The following NPAS3 variants were observed in gnomAD, a reference collection of about 807,000 sequenced individuals.
NPAS3 encodes the protein neuronal PAS domain protein 3, also known as neuronal PAS domain-containing protein 3.
Under a neutral mutation model 73.1 loss-of-function variants are expected in NPAS3, and 14 were observed. That is an observed-to-expected ratio of 0.19 (90% CI 0.13 to 0.30). The LOEUF is 0.30. Ranked by LOEUF, NPAS3 falls within the 10% of genes least tolerant of loss-of-function variation. The probability of loss-of-function intolerance (pLI) is 1.00; values close to 1 mark genes in which losing one functional copy is unlikely to be tolerated. For synonymous variants in NPAS3, 620 were observed against 541.5 expected, an observed-to-expected ratio of 1.14 and a Z score of -2.01; for missense variants, 1,096 against 1,250.0, an observed-to-expected ratio of 0.88 and a Z score of 1.86.
intron 5 of NPAS3, among the ~76,000 whole-genome samples, chr14:33,579,509 A>G (rs1271667859): frequency 6.6e-6 from 1 of 152,226 alleles, no homozygotes; most frequent in African/African-American, 2.4e-5. Flanking sequence ...GAAAGATGAT[A>G]AAGACTGATG....
At chr14:33,726,107 A>G (rs908501984) in intron 6 of NPAS3, among the ~76,000 whole-genome samples, 3 of 152,154 alleles carry the variant, frequency 2.0e-5, no homozygotes, top group Non-Finnish European at 2.9e-5. Context: ...TGGCCTCTCC[A>G]TCAGTAAACA....
At chr14:33,074,535 G>A (rs781521212) in intron 2 of NPAS3, among the ~76,000 whole-genome samples, 81 of 152,238 alleles carry the variant, frequency 5.3e-4, no homozygotes, top group Middle Eastern at 3.4e-3. Flanking sequence ...TCCTGCCTCA[G>A]CCTCTTGAGT....
At position 33,695,228 on chromosome 14, in the gene NPAS3, C is replaced by T. The variant is rs988315054; in HGVS notation, c.733+18843C>T. On this transcript the variant is annotated intron_variant, in intron 6 of 11. Coordinates refer to ENST00000356141, the Ensembl canonical transcript of NPAS3. The stretch of plus-strand genomic sequence containing the variant: ...TTTTTTAAAGTATTTTCTTTGAATA[C>T]AATTTATATGTAAAGCTGGTCCTAT... Among the ~76,000 whole-genome samples the T allele has an allele frequency of 2.6e-5, 4 of 152,120 alleles. 1 individual carries two copies. The highest frequency in any genetic ancestry group is 1.3e-4 in the Admixed American group (2 of 15,256).
At chr14:33,134,127 C>A (rs148359452) in intron 2 of NPAS3, among the ~76,000 whole-genome samples, 1 of 152,152 alleles carries the variant, frequency 6.6e-6, no homozygotes, top group East Asian at 1.9e-4. Context: ...TGGAATCTGA[C>A]AAGTGAATTT....
At chr14:33,065,481 G>A (rs1485011295) in intron 2 of NPAS3, among the ~76,000 whole-genome samples, 1 of 152,096 alleles carries the variant, frequency 6.6e-6, no homozygotes, top group Non-Finnish European at 1.5e-5. Context: ...GAGAGGGCTG[G>A]GTCCTTCGAG....
intron 3 of NPAS3, among the ~76,000 whole-genome samples, chr14:33,246,191 G>A (rs931873063): frequency 7.9e-5 from 12 of 152,128 alleles, no homozygotes; most frequent in African/African-American, 2.9e-4. Flanking sequence ...TCATGGTGCA[G>A]ACAGCATGAG....
rs1457592727 is a variant in NPAS3, at chr14:32,993,126, G to A, written c.50+53760G>A. 2.7e-5 allele frequency among the ~76,000 whole-genome samples: 4 copies of A among 149,144 alleles called. No individual in the cohort carries two copies. The South Asian group carries it at 8.5e-4, about 32-fold the overall frequency. ...GATTGTACCATTGCACTCCACCTGG[G>A]CAACAAGAGTGAAACTTCGTCTCAA... On this transcript the variant is annotated intron_variant, in intron 1 of 11. Coordinates refer to ENST00000356141, the Ensembl canonical transcript of NPAS3.
chr14:33,373,356 A>G (rs1320648116), intron 4 of NPAS3, among the ~76,000 whole-genome samples: 1 of 151,268 alleles, frequency 6.6e-6, no homozygotes, highest in African/African-American at 2.4e-5. Context: ...TTATGTTTGT[A>G]TTCATTGTCA....
At chr14:33,409,368 A>T (rs931340070) in intron 4 of NPAS3, among the ~76,000 whole-genome samples, 3 of 152,172 alleles carry the variant, frequency 2.0e-5, no homozygotes, top group Non-Finnish European at 4.4e-5. Flanking sequence ...ATCCCTTAAC[A>T]AAAATCTGCT....
intron 2 of NPAS3, among the ~76,000 whole-genome samples, chr14:33,097,511 G>A (rs1476981046): frequency 1.3e-5 from 2 of 152,064 alleles, no homozygotes; most frequent in Non-Finnish European, 2.9e-5. Flanking sequence ...TGTCTCTTTG[G>A]TAACATGTAC....
intron 3 of NPAS3, among the ~76,000 whole-genome samples, chr14:33,324,071 G>A (rs367844226): frequency 3.3e-5 from 5 of 152,316 alleles, no homozygotes; most frequent in African/African-American, 1.2e-4. Flanking sequence ...GCATTAAGAA[G>A]CAGACAGTGA....
intron 2 of NPAS3, among the ~76,000 whole-genome samples, chr14:33,187,120 T>C (rs1325491079): frequency 6.6e-6 from 1 of 152,222 alleles, no homozygotes; most frequent in Non-Finnish European, 1.5e-5. Context: ...CAAATCCACC[T>C]TCTGTGCCCT....
intron 1 of NPAS3, among the ~76,000 whole-genome samples, chr14:32,945,928 A>G (rs1030301289): frequency 9.2e-5 from 14 of 152,230 alleles, no homozygotes; most frequent in Non-Finnish European, 1.6e-4. Flanking sequence ...TGGTCACAGC[A>G]TATGAAGTTC....
intron 3 of NPAS3, among the ~76,000 whole-genome samples, chr14:33,346,733 T>A (rs2044754982): frequency 6.6e-6 from 1 of 152,140 alleles, no homozygotes; most frequent in South Asian, 2.1e-4. Flanking sequence ...ATACCCATCA[T>A]GGAACCCAGT....
At chr14:33,557,629 G>C (rs1486092608) in intron 4 of NPAS3, among the ~76,000 whole-genome samples, 2 of 152,206 alleles carry the variant, frequency 1.3e-5, no homozygotes, top group South Asian at 2.1e-4. Flanking sequence ...CTAGGAATAG[G>C]CTTGTTGCCT....
chr14:33,527,151 A>G (rs2053838248), intron 4 of NPAS3, among the ~76,000 whole-genome samples: 1 of 152,018 alleles, frequency 6.6e-6, no homozygotes, highest in Non-Finnish European at 1.5e-5. Flanking sequence ...CTTCTTCCCC[A>G]TTTATGATTT....
At chr14:33,774,456 T>C in exon 8 of NPAS3, 2 of 1,614,204 alleles carry the variant, frequency 1.2e-6, no homozygotes, top group South Asian at 1.1e-5. Context: ...CTACGATCAA[T>C]GAAGTCAGAA....
upstream of NPAS3, among the ~76,000 whole-genome samples, chr14:32,938,057 G>C (rs1212328928): frequency 6.6e-6 from 1 of 152,156 alleles, no homozygotes; most frequent in East Asian, 1.9e-4. Context: ...ACCCGAGTCG[G>C]GAGGGGCTTC....
intron 3 of NPAS3, among the ~76,000 whole-genome samples, chr14:33,295,200 G>A (rs1003024904): frequency 6.6e-5 from 10 of 152,032 alleles, no homozygotes; most frequent in Non-Finnish European, 1.2e-4. Context: ...CAAAACAATG[G>A]AGCGTCCCCA....
Sources: gnomAD v4.1 joint callset for allele counts (sites outside exome capture counted in the v4.1 genomes callset) on GRCh38, gnomAD v4.1.1 for gene constraint, MANE v1.5 for transcripts, NCBI Gene and HGNC (gene_info 2026-07-23, HGNC 2026-07-21) for gene names.